The following ZNF740 variants were observed in gnomAD, a reference collection of about 807,000 sequenced individuals.
ZNF740 encodes oriLyt TD-element-binding protein 7.
In ZNF740, 14 loss-of-function variants were observed where a neutral mutation model predicts 24.8. That is an observed-to-expected ratio of 0.56 (90% CI 0.37 to 0.88). The LOEUF is 0.88. Ranked by LOEUF, ZNF740 falls within the 40% of genes least tolerant of loss-of-function variation. ZNF740 has a pLI of 0.00. For missense variants in ZNF740, 201 were observed against 247.9 expected, an observed-to-expected ratio of 0.81 and a Z score of 1.27; for synonymous variants, 69 against 84.0, an observed-to-expected ratio of 0.82 and a Z score of 0.98.
In ZNF740 at chr12:53,193,331, TCA is replaced by T. The variant is rs1413878774; in HGVS notation, c.*5744_*5745del. ...GGAGGACAGCTCTGCCACAGAGCAC[TCA>T]CAGAGCCGACCTAGGCGGCCAGGGG... is the stretch of plus-strand genomic sequence containing the variant. On this transcript the variant is annotated 3_prime_UTR_variant, in exon 7 of 7. Transcript: ENST00000416904. The T allele has an allele frequency of 6.9e-6, 11 of 1,601,406 alleles. No homozygotes were observed. Among genetic ancestry groups the T allele is most frequent in the East Asian group, 2.2e-5 (1 of 44,564 alleles).
intron 2 of ZNF740, among the ~76,000 whole-genome samples, chr12:53,184,116 T>TGG (rs1292187318): frequency 2.8e-5 from 3 of 106,584 alleles, no homozygotes; most frequent in African/African-American, 9.4e-5. Flanking sequence ...AGCTAAGGGG[T>TGG]GTGTGTGTGT....
chr12:53,186,028 A>C lies in ZNF740; in HGVS notation c.324A>C (p.Gly108=), dbSNP rs755522457. 9 of 1,613,916 alleles carry C rather than the reference A, an allele frequency of 5.6e-6. No individual in the cohort carries two copies. The South Asian group carries it at 9.9e-5, about 18-fold the overall frequency. Residue 108 remains glycine (G), a synonymous_variant, in exon 5 of 7, where the codon GGA becomes GGC. Transcript: ENST00000416904. ...PKNFVCEHCF[G]AFRSSYHLKR... is the part of the protein sequence containing the mutation. ...ATTTTGTTTGTGAACACTGCTTTGGAGCCTTTCGGAGCAGTTACCACCTAA... is the reference window on the plus strand; with the variant it reads ...ATTTTGTTTGTGAACACTGCTTTGGCGCCTTTCGGAGCAGTTACCACCTAA...
chr12:53,180,748 G>T lies in ZNF740; in HGVS notation c.-397G>T. 1 of 1,266,316 alleles carries T rather than the reference G, an allele frequency of 7.9e-7. No homozygotes were observed. The highest frequency in any genetic ancestry group is 1.0e-6 in the Non-Finnish European group (1 of 977,940). 78.4% of individuals were successfully genotyped at this position (1,266,316 alleles called of 1,614,324 possible). On this transcript the variant is annotated 5_prime_UTR_variant, in exon 1 of 7. Coordinates refer to ENST00000416904, the MANE Select transcript of ZNF740 (RefSeq NM_001004304.4). ...TAAACTTGCCTCGGTCCCGGTGGGGGCAGCCGCGGCGGTGGGGTTGGCAGG... is the reference window on the plus strand; with the variant it reads ...TAAACTTGCCTCGGTCCCGGTGGGGTCAGCCGCGGCGGTGGGGTTGGCAGG...
intron 1 of ZNF740, 189 bp from the exon 2 acceptor site, chr12:53,181,488 C>G (rs1017713440): frequency 1.0e-6 from 1 of 985,290 alleles, no homozygotes; most frequent in Non-Finnish European, 1.2e-6. Flanking sequence ...TACTTTTGCT[C>G]CTGTTGGCTT....
At chr12:53,180,930 A>C in intron 1 of ZNF740, 93 bp downstream of exon 1, 1 of 211,418 alleles carries the variant, frequency 4.7e-6, no homozygotes, top group Non-Finnish European at 5.4e-6. Flanking sequence ...GGGAAGGGGG[A>C]GGGGAGGGGA....
Position 53,193,965 on chromosome 12 carries a change from C to T in ZNF740, c.*6375C>T. The T allele has an allele frequency of 6.8e-7, 1 of 1,467,442 alleles. No homozygotes were observed. Among genetic ancestry groups the T allele is most frequent in the South Asian group, 1.3e-5 (1 of 78,532 alleles). The allele number at this position is 1,467,442 out of a possible 1,614,324, so 90.9% of individuals were successfully genotyped here. ...GCACACACACATACCCCAAACTCAC[C>T]AATCATCCAGAACCTCACCCCTTAG... On this transcript the variant is annotated 3_prime_UTR_variant, in exon 7 of 7. Coordinates refer to ENST00000416904, the MANE Select transcript of ZNF740 (RefSeq NM_001004304.4).
At position 53,193,328 on chromosome 12, in the gene ZNF740, C is replaced by T; in HGVS notation, c.*5738C>T. On this transcript the variant is annotated 3_prime_UTR_variant, in exon 7 of 7. Transcript: ENST00000416904. ...TGGGGAGGACAGCTCTGCCACAGAG[C>T]ACTCACAGAGCCGACCTAGGCGGCC... 1.2e-6 allele frequency: 2 copies of T among 1,604,204 alleles called. No individual in the cohort carries two copies. The highest frequency in any genetic ancestry group is 1.7e-6 in the Non-Finnish European group (2 of 1,172,918).
chr12:53,182,856 A>G (rs1056023118), intron 2 of ZNF740, among the ~76,000 whole-genome samples: 1 of 152,216 alleles, frequency 6.6e-6, no homozygotes, highest in Admixed American at 6.5e-5. Context: ...GCAGCAGAGT[A>G]GCATCAGATC....
rs567011481 is a variant in ZNF740 at position 53,183,707 on chromosome 12, A to G, written c.10-1184A>G. On this transcript the variant is annotated intron_variant, in intron 2 of 6. Coordinates refer to ENST00000416904, the MANE Select transcript of ZNF740 (RefSeq NM_001004304.4). ...AGAGAAATGCTGAACTCCAAAAATC[A>G]TATCAGTTGCAATTGGTAAATACTT... is the stretch of plus-strand genomic sequence containing the variant. Among the ~76,000 whole-genome samples the G allele has an allele frequency of 7.9e-5, 12 of 152,298 alleles. No homozygotes were observed. The East Asian group carries it at 2.1e-3, about 27-fold the overall frequency.
chr12:53,184,154 C>CGCGCGCGT (rs1941772854), intron 2 of ZNF740, among the ~76,000 whole-genome samples: 1 of 93,070 alleles, frequency 1.1e-5, no homozygotes, highest in African/African-American at 6.0e-5. Context: ...TGTGTGTGCG[C>CGCGCGCGT]GCGCGCGCTC....
At position 53,194,825 on chromosome 12, in the gene ZNF740, T is replaced by C. The variant is rs1942100445; in HGVS notation, c.*7235T>C. 1 of 167,846 alleles carries C rather than the reference T, an allele frequency of 6.0e-6. No homozygotes were observed. The highest frequency in any genetic ancestry group is 2.4e-5 in the African/African-American group (1 of 41,810). 10.4% of individuals were successfully genotyped at this position (167,846 alleles called of 1,614,324 possible). A position where few individuals can be genotyped will look rare whatever the true frequency, so the allele number is the denominator to read the frequency against. ...AGACCTAAACCACTAAGAATTTTTA[T>C]GGTTCCTTCTACCTGTAAAATTCTA... On this transcript the variant is annotated 3_prime_UTR_variant, in exon 7 of 7. Transcript: ENST00000416904.
Position 53,192,925 on chromosome 12 carries a change from T to G in ZNF740, c.*5335T>G, listed in dbSNP as rs371036832. The stretch of plus-strand genomic sequence containing the variant: ...GCGACCAAAGCCTGGGGTAGAGCCA[T>G]GCAGAGGGTGACAACCATACTCCAC... On this transcript the variant is annotated 3_prime_UTR_variant, in exon 7 of 7. Transcript: ENST00000416904. 6.2e-7 allele frequency: 1 copy of G among 1,611,074 alleles called. No individual in the cohort carries two copies. Among genetic ancestry groups the G allele is most frequent in the Non-Finnish European group, 8.5e-7 (1 of 1,177,780 alleles).
chr12:53,183,842 G>A (rs1226617996), intron 2 of ZNF740, among the ~76,000 whole-genome samples: 1 of 152,006 alleles, frequency 6.6e-6, no homozygotes, highest in East Asian at 1.9e-4. Context: ...TAGGCAACAT[G>A]GTGAAACCCC....
At chr12:53,183,691 C>G (rs920903655) in intron 2 of ZNF740, among the ~76,000 whole-genome samples, 2 of 152,064 alleles carry the variant, frequency 1.3e-5, no homozygotes, top group African/African-American at 4.8e-5. Context: ...AAGAGAAATG[C>G]TGAACTCCAA....
Position 53,180,815 on chromosome 12 carries a change from C to T in ZNF740, c.-330C>T. ...AGGAGGCGCCGCGCGGCCAGGGAGC[C>T]AGCGGGAGGCCGCGCCTGGCAGGTA... On this transcript the variant is annotated 5_prime_UTR_variant, in exon 1 of 7. Transcript: ENST00000416904. 2 of 1,271,570 alleles carry T rather than the reference C, an allele frequency of 1.6e-6. No individual in the cohort carries two copies. The highest frequency in any genetic ancestry group is 6.5e-5 in the East Asian group (1 of 15,436). 78.8% of individuals were successfully genotyped at this position (1,271,570 alleles called of 1,614,324 possible).
At chr12:53,184,820 T>A (rs1941791404) in intron 2 of ZNF740, 71 bp from the exon 3 acceptor site, 2 of 1,537,088 alleles carry the variant, frequency 1.3e-6, no homozygotes, top group Non-Finnish European at 1.8e-6. Flanking sequence ...AAGGTAGTTC[T>A]ATAGAGGATG....
At position 53,190,143 on chromosome 12, in the gene ZNF740, G is replaced by C. The variant is rs898343368; in HGVS notation, c.*2553G>C. On this transcript the variant is annotated 3_prime_UTR_variant, in exon 7 of 7. Transcript: ENST00000416904. ...AGGTGGTTGGTTCAGTTCCCGCGCT[G>C]ATGTCTGGGGCAGTGCATGTGTGAG... The C allele has an allele frequency of 6.6e-6, 1 of 152,566 alleles. No individual in the cohort carries two copies. Among genetic ancestry groups the C allele is most frequent in the African/African-American group, 2.4e-5 (1 of 41,568 alleles). 9.5% of individuals were successfully genotyped at this position (152,566 alleles called of 1,614,324 possible). A position where few individuals can be genotyped will look rare whatever the true frequency, so the allele number is the denominator to read the frequency against.
Position 53,192,721 on chromosome 12 carries a change from G to C in ZNF740, c.*5131G>C, listed in dbSNP as rs950671679. The C allele has an allele frequency of 9.9e-6, 16 of 1,614,144 alleles. No homozygotes were observed. Among genetic ancestry groups the C allele is most frequent in the Non-Finnish European group, 1.3e-5 (15 of 1,180,016 alleles). The stretch of plus-strand genomic sequence containing the variant: ...TCTCTCGCATGGTGTCTTGCAGCCT[G>C]GGCATTGGTCGCATAGAGCACCATA... On this transcript the variant is annotated 3_prime_UTR_variant, in exon 7 of 7. Transcript: ENST00000416904.
At chr12:53,182,973 A>G (rs1941720333) in intron 2 of ZNF740, among the ~76,000 whole-genome samples, 1 of 152,176 alleles carries the variant, frequency 6.6e-6, no homozygotes, top group Non-Finnish European at 1.5e-5. Context: ...ATGTGCACAC[A>G]TCTCCAGAGC....
Sources: gnomAD v4.1 joint callset for allele counts (sites outside exome capture counted in the v4.1 genomes callset) on GRCh38, gnomAD v4.1.1 for gene constraint, MANE v1.5 for transcripts, NCBI Gene and HGNC (gene_info 2026-07-23, HGNC 2026-07-21) for gene names.